The following PLCB4 variants were observed in gnomAD, a reference collection of about 807,000 sequenced individuals.
PLCB4 encodes the protein 1-phosphatidylinositol 4,5-bisphosphate phosphodiesterase beta-4.
Under a neutral mutation model 178.8 loss-of-function variants are expected in PLCB4, and 77 were observed. The observed-to-expected ratio is 0.43, with a 90% CI of 0.36 to 0.52. The LOEUF is 0.52. Ranked by LOEUF, PLCB4 falls within the 20% of genes least tolerant of loss-of-function variation. The pLI is 0.00. For synonymous variants in PLCB4, 496 were observed against 490.8 expected, an observed-to-expected ratio of 1.01 and a Z score of -0.14; for missense variants, 1,024 against 1,453.4, an observed-to-expected ratio of 0.70 and a Z score of 4.80.
chr20:9,391,615 G>A (rs944203429), intron 17 of PLCB4, among the ~76,000 whole-genome samples: 1 of 152,062 alleles, frequency 6.6e-6, no homozygotes, highest in Non-Finnish European at 1.5e-5. Context: ...TTCTTCCCTC[G>A]AACTTGCAGA....
Position 9,421,400 on chromosome 20 carries a change from G to C in PLCB4, c.2258G>C (p.Arg753Pro), listed in dbSNP as rs750632084. 9 of 1,613,668 alleles carry C rather than the reference G, an allele frequency of 5.6e-6. No individual in the cohort carries two copies. Among genetic ancestry groups the C allele is most frequent in the Non-Finnish European group, 6.8e-6 (8 of 1,179,772 alleles). The change falls in exon 27 of 40, where the codon CGC (arginine) becomes CCC (proline). Residue 753 changes from arginine to proline, a missense_variant. Physicochemically the swap from Arg to Pro is moderately radical, Grantham distance 103. Coordinates refer to ENST00000378473, the MANE Select transcript of PLCB4 (RefSeq NM_001377142.1). ...ACCATACGTAAGGAATTCCGAACTC[G>C]CATGGTTATGAATAATGGACTCAAT... ...TDTIRKEFRTRMVMNNGLNPV... is the reference protein window; with the variant it reads ...TDTIRKEFRTPMVMNNGLNPV...
At chr20:9,403,576 G>T (rs1445022671) in intron 20 of PLCB4, among the ~76,000 whole-genome samples, 1 of 152,218 alleles carries the variant, frequency 6.6e-6, no homozygotes, top group East Asian at 1.9e-4. Flanking sequence ...GCAGCCATGT[G>T]GTGGAAGATT....
At chr20:9,171,621 C>CA (rs1447311782) in intron 2 of PLCB4, among the ~76,000 whole-genome samples, 1 of 151,666 alleles carries the variant, frequency 6.6e-6, no homozygotes, top group Non-Finnish European at 1.5e-5. Flanking sequence ...TCAGTTTTGG[C>CA]AAAAAAATAA....
intron 35 of PLCB4, among the ~76,000 whole-genome samples, chr20:9,462,964 G>A (rs969799253): frequency 6.6e-6 from 1 of 152,162 alleles, no homozygotes; most frequent in East Asian, 1.9e-4. Flanking sequence ...ACACATAATT[G>A]TCAGATTCAC....
intron 2 of PLCB4, among the ~76,000 whole-genome samples, chr20:9,109,500 T>C (rs1290476171): frequency 6.6e-6 from 1 of 151,690 alleles, no homozygotes; most frequent in Non-Finnish European, 1.5e-5. Context: ...CCTAAAATGA[T>C]AGCTTCTTGA....
chr20:9,218,080 T>G (rs1020196343), intron 3 of PLCB4, among the ~76,000 whole-genome samples: 4 of 152,212 alleles, frequency 2.6e-5, no homozygotes, highest in African/African-American at 9.7e-5. Flanking sequence ...AGACATGTTC[T>G]TTTATAATCC....
intron 7 of PLCB4, among the ~76,000 whole-genome samples, chr20:9,358,019 C>T (rs555805667): frequency 1.5e-3 from 228 of 152,296 alleles, no homozygotes; most frequent in African/African-American, 5.3e-3. Flanking sequence ...AGACCTGGGA[C>T]TCTGCATTCC....
intron 3 of PLCB4, among the ~76,000 whole-genome samples, chr20:9,234,417 A>G (rs533839014): frequency 7.9e-5 from 12 of 152,282 alleles, no homozygotes; most frequent in African/African-American, 2.9e-4. Context: ...GAGAAAATAC[A>G]TAGAGGTGGG....
At chr20:9,468,806 T>C (rs2122606018) in intron 36 of PLCB4, 134 bp downstream of exon 36, 1 of 566,258 alleles carries the variant, frequency 1.8e-6, no homozygotes, top group East Asian at 2.8e-5. Flanking sequence ...AATTCTGCTA[T>C]TATAACTGCA....
At chr20:9,207,838 A>G (rs1398900869) in intron 2 of PLCB4, among the ~76,000 whole-genome samples, 2 of 152,214 alleles carry the variant, frequency 1.3e-5, no homozygotes, top group Admixed American at 1.3e-4. Flanking sequence ...GAGAAAAAGG[A>G]ATCAATTATA....
intron 3 of PLCB4, among the ~76,000 whole-genome samples, chr20:9,245,492 C>A (rs1952171696): frequency 1.3e-5 from 2 of 152,134 alleles, no homozygotes; most frequent in Admixed American, 1.3e-4. Flanking sequence ...TAGTCACATG[C>A]ATCTCTACAA....
chr20:9,188,428 A>C (rs1053232420), intron 2 of PLCB4, among the ~76,000 whole-genome samples: 5 of 152,190 alleles, frequency 3.3e-5, no homozygotes, highest in Admixed American at 1.3e-4. Context: ...TGATTCAGAG[A>C]GGTGGAGGGG....
In PLCB4 at chr20:9,373,665, A is replaced by G. The variant is rs573439187; in HGVS notation, c.744+561A>G. 2.6e-5 allele frequency among the ~76,000 whole-genome samples: 4 copies of G among 152,338 alleles called. No individual in the cohort carries two copies. In the South Asian group the frequency reaches 8.3e-4, roughly 32 times the overall value. On this transcript the variant is annotated intron_variant, in intron 12 of 39. Coordinates refer to ENST00000378473, the MANE Select transcript of PLCB4 (RefSeq NM_001377142.1). Reference sequence around the variant, plus strand: ...TTGAGTTTTAGGCTAATAGGATTGCAGGTTAAATTTGTACTTTTTCTTTTT... The same window carrying G: ...TTGAGTTTTAGGCTAATAGGATTGCGGGTTAAATTTGTACTTTTTCTTTTT...
chr20:9,355,416 G>A (rs192361521), intron 7 of PLCB4, among the ~76,000 whole-genome samples: 135 of 152,008 alleles, frequency 8.9e-4, no homozygotes, highest in African/African-American at 3.1e-3. Context: ...TTAGCATTAG[G>A]TATATCTCCT....
Position 9,457,357 on chromosome 20 carries a change from C to T in PLCB4, c.2997-57C>T, listed in dbSNP as rs2043117945. 5 of 834,412 alleles carry T rather than the reference C, an allele frequency of 6.0e-6. No homozygotes were observed. The Admixed American group carries it at 8.5e-5, about 14-fold the overall frequency. The allele number at this position is 834,412 out of a possible 1,614,324, so 51.7% of individuals were successfully genotyped here. ...ATCAGAAAGCTTTGTAGCAAAGACCCATGGGAATGGGAAAATATCTAATTT... is the reference window on the plus strand; with the variant it reads ...ATCAGAAAGCTTTGTAGCAAAGACCTATGGGAATGGGAAAATATCTAATTT... On this transcript the variant is annotated intron_variant, in intron 33 of 39. Transcript: ENST00000378473.
chr20:9,321,010 C>T (rs901039116), intron 4 of PLCB4, among the ~76,000 whole-genome samples: 1 of 152,146 alleles, frequency 6.6e-6, no homozygotes, highest in Non-Finnish European at 1.5e-5. Context: ...AAATTAGATC[C>T]ATTTAAAGTT....
intron 8 of PLCB4, among the ~76,000 whole-genome samples, chr20:9,363,544 C>G (rs1160012597): frequency 6.6e-6 from 1 of 152,118 alleles, no homozygotes; most frequent in African/African-American, 2.4e-5. Flanking sequence ...TTTATTTTTT[C>G]CATGAAAGAA....
At chr20:9,184,965 C>A (rs2093308402) in intron 2 of PLCB4, among the ~76,000 whole-genome samples, 1 of 152,186 alleles carries the variant, frequency 6.6e-6, no homozygotes, top group Non-Finnish European at 1.5e-5. Context: ...GTCAGCCACC[C>A]CGGCTGGAGT....
chr20:9,394,967 C>A (rs1175929496), intron 18 of PLCB4, among the ~76,000 whole-genome samples: 2 of 152,020 alleles, frequency 1.3e-5, no homozygotes, highest in East Asian at 3.9e-4. Context: ...TTGCATATTA[C>A]TATTTGTGGT....
Sources: allele counts gnomAD v4.1 joint callset (sites outside exome capture counted in the v4.1 genomes callset), GRCh38; gene constraint gnomAD v4.1.1; transcripts MANE v1.5; gene names NCBI Gene and HGNC (gene_info 2026-07-23, HGNC 2026-07-21).